LRRK1: variants seen among roughly 807,000 people sequenced by gnomAD.
The protein encoded by LRRK1 is leucine-rich repeat serine/threonine-protein kinase 1.
Under a neutral mutation model 209.1 loss-of-function variants are expected in LRRK1, and 113 were observed. The ratio of observed to expected loss-of-function variants is 0.54; its 90% CI spans 0.46 to 0.63. LRRK1 has a LOEUF of 0.63. LRRK1 is among the 30% of genes least tolerant of loss of function. The probability of loss-of-function intolerance (pLI) is 0.00; values close to 1 mark genes in which losing one functional copy is unlikely to be tolerated. For synonymous variants in LRRK1, 1,144 were observed against 1,099.7 expected (o/e 1.04, Z -0.80); for missense variants, 2,284 against 2,632.2 (o/e 0.87, Z 2.89).
chr15:100,961,051 A>C (rs1474385316), intron 2 of LRRK1, among the ~76,000 whole-genome samples: 2 of 152,186 alleles, frequency 1.3e-5, no homozygotes, highest in Non-Finnish European at 2.9e-5. Context: ...TTTATAAAGA[A>C]AATGAATTTG....
intron 4 of LRRK1, 151 bp from the exon 5 acceptor site, chr15:100,988,483 C>CT (rs983335089): frequency 1.2e-5 from 9 of 744,462 alleles, no homozygotes; most frequent in South Asian, 1.1e-4. Context: ...TGATCTCATT[C>CT]TTTTTTATGG....
intron 2 of LRRK1, among the ~76,000 whole-genome samples, chr15:100,965,644 T>C (rs1201045118): frequency 6.6e-6 from 1 of 152,186 alleles, no homozygotes; most frequent in East Asian, 1.9e-4. Flanking sequence ...CCCTAACCAG[T>C]TCCTACTTCT....
At chr15:100,932,229 A>G (rs1336185267) in intron 2 of LRRK1, among the ~76,000 whole-genome samples, 1 of 151,666 alleles carries the variant, frequency 6.6e-6, no homozygotes, top group Non-Finnish European at 1.5e-5. Flanking sequence ...CAAGTGATCC[A>G]CTCGTCTCGG....
rs754789492 is a variant in LRRK1 at position 101,058,104 on chromosome 15, T to A, written c.4642T>A (p.Tyr1548Asn). ...TAFFSSQGQE[Y>N]TVVFWDGKEE... The stretch of plus-strand genomic sequence containing the variant: ...CTTCTTCTCATCCCAGGGCCAGGAG[T>A]ACACCGTGGTGTTTTGGGATGGAAA... Residue 1548 changes from tyrosine to asparagine, a missense_variant, in exon 29 of 34, where the codon TAC becomes AAC. Transcript: ENST00000388948. 4.3e-6 allele frequency: 7 copies of A among 1,613,938 alleles called. No homozygotes were observed. The highest frequency in any genetic ancestry group is 3.3e-5 in the South Asian group (3 of 91,070).
At chr15:101,060,220 A>G (rs2036079566) in intron 29 of LRRK1, among the ~76,000 whole-genome samples, 1 of 152,172 alleles carries the variant, frequency 6.6e-6, no homozygotes, top group African/African-American at 2.4e-5. Flanking sequence ...TAAGGAAGGA[A>G]AGGAGGCAGG....
intron 6 of LRRK1, among the ~76,000 whole-genome samples, chr15:100,997,960 T>C (rs147424124): frequency 1.3e-5 from 2 of 151,992 alleles, no homozygotes; most frequent in South Asian, 2.1e-4. Context: ...TGGTGGATCA[T>C]CTGAGGTTAG....
In LRRK1 at chr15:101,027,129, C is replaced by T; in HGVS notation, c.2406-132C>T. On this transcript the variant is annotated intron_variant, in intron 17 of 33. Transcript: ENST00000388948. The surrounding 1 kb of genome is among the most constrained non-coding windows in gnomAD (Gnocchi z 5.1). ...TTGCACAAAGCAAGGCCTCAATAAA[C>T]TTCTTGTGTTGTCTTTCACGAGTTC... is the stretch of plus-strand genomic sequence containing the variant. 8.6e-7 allele frequency: 1 copy of T among 1,159,840 alleles called. No individual in the cohort carries two copies. The highest frequency in any genetic ancestry group is 1.2e-6 in the Non-Finnish European group (1 of 825,526). The allele number at this position is 1,159,840 out of a possible 1,614,324, so 71.8% of individuals were successfully genotyped here.
rs1433503664 is a variant in LRRK1 at position 101,029,213 on chromosome 15, C to T, written c.2944C>T (p.Leu982=). The T allele has an allele frequency of 3.1e-6, 5 of 1,612,194 alleles. No homozygotes were observed. Among genetic ancestry groups the T allele is most frequent in the Non-Finnish European group, 4.2e-6 (5 of 1,178,602 alleles). Residue 982 remains leucine, a synonymous_variant, in exon 20 of 34, where the codon CTG becomes TTG. Transcript: ENST00000388948. ...GTTCCTGGCCAAGTTTGAGATCGCC[C>T]TGCCCGTCGCCAATGACAGGTGAGG... The part of the protein sequence containing the change: ...FQFLAKFEIA[L]PVANDSYLLP...
chr15:101,039,755 C>T (rs1448225241), intron 20 of LRRK1, among the ~76,000 whole-genome samples: 2 of 152,070 alleles, frequency 1.3e-5, no homozygotes, highest in African/African-American at 4.8e-5. Flanking sequence ...GAGGAAGTTC[C>T]CTTTTATTCC....
At chr15:100,954,428 A>T (rs2042714253) in intron 2 of LRRK1, among the ~76,000 whole-genome samples, 1 of 152,106 alleles carries the variant, frequency 6.6e-6, no homozygotes, top group South Asian at 2.1e-4. Flanking sequence ...ATGGTTTGCA[A>T]TATTTTCTCT....
At chr15:100,962,817 ATATATATT>A (rs1267504716) in intron 2 of LRRK1, among the ~76,000 whole-genome samples, 92 of 21,186 alleles carry the variant, frequency 4.3e-3, no homozygotes, top group Middle Eastern at 0.05. Flanking sequence ...ATATATATAT[ATATATATT>A]TTTTTTTTTT....
At chr15:100,964,787 C>T (rs1244562921) in intron 2 of LRRK1, among the ~76,000 whole-genome samples, 1 of 123,480 alleles carries the variant, frequency 8.1e-6, no homozygotes, top group Non-Finnish European at 1.8e-5. Context: ...GAAATACACA[C>T]ACACACACGT....
At chr15:101,018,838 G>A (rs933493398) in intron 12 of LRRK1, among the ~76,000 whole-genome samples, 3 of 152,186 alleles carry the variant, frequency 2.0e-5, no homozygotes, top group Admixed American at 6.5e-5. Flanking sequence ...AAAAGAAGGC[G>A]GCTCTTTGCA....
At chr15:100,942,955 C>T (rs2042471093) in intron 2 of LRRK1, among the ~76,000 whole-genome samples, 1 of 152,188 alleles carries the variant, frequency 6.6e-6, no homozygotes, top group Non-Finnish European at 1.5e-5. Flanking sequence ...TACTGATCAA[C>T]CCGTAGTGCT....
chr15:101,031,094 T>C (rs897135879), intron 20 of LRRK1, among the ~76,000 whole-genome samples: 1 of 152,200 alleles, frequency 6.6e-6, no homozygotes, highest in African/African-American at 2.4e-5. Flanking sequence ...TTCATCCCTT[T>C]TTATGGCTGA....
At chr15:100,927,775 A>G (rs11247241) in intron 2 of LRRK1, among the ~76,000 whole-genome samples, 43,886 of 152,132 alleles carry the variant, frequency 0.29, 7,042 homozygotes, top group African/African-American at 0.43. Context: ...ACTAATTTAT[A>G]CCCATACTCA....
chr15:101,057,144 C>A, intron 28 of LRRK1, 94 bp downstream of exon 28: 2 of 1,067,192 alleles, frequency 1.9e-6, no homozygotes, highest in Non-Finnish European at 2.7e-6. Flanking sequence ...GCCCAACCAT[C>A]ACCATTGGCA....
chr15:101,041,980 C>A (rs921441192), intron 20 of LRRK1, among the ~76,000 whole-genome samples: 32 of 151,658 alleles, frequency 2.1e-4, no homozygotes, highest in African/African-American at 7.0e-4. Flanking sequence ...GTAATTGAAA[C>A]CATGAAAAAG....
intron 21 of LRRK1, among the ~76,000 whole-genome samples, chr15:101,047,966 A>G (rs2035180283): frequency 6.6e-6 from 1 of 152,226 alleles, no homozygotes; most frequent in African/African-American, 2.4e-5. Context: ...ACTATGCTTA[A>G]TAGAATATTA....
Sources: gnomAD v4.1 joint callset for allele counts (sites outside exome capture counted in the v4.1 genomes callset) on GRCh38, gnomAD v4.1.1 for gene constraint, Gnocchi (gnomAD v3.1) non-coding constraint, MANE v1.5 for transcripts, NCBI Gene and HGNC (gene_info 2026-07-23, HGNC 2026-07-21) for gene names.